ZBTB16: variants seen among roughly 807,000 people sequenced by gnomAD.
ZBTB16 encodes the protein zinc finger and BTB domain-containing protein 16.
In ZBTB16, 8 loss-of-function variants were observed where a neutral mutation model predicts 56.8. That is an observed-to-expected ratio of 0.14 (90% CI 0.08 to 0.25). The LOEUF is 0.25. Ranked by LOEUF, ZBTB16 falls within the 10% of genes least tolerant of loss-of-function variation. The pLI is 1.00. For missense variants in ZBTB16, 625 were observed against 903.0 expected, an observed-to-expected ratio of 0.69 and a Z score of 3.95; for synonymous variants, 363 against 368.5, an observed-to-expected ratio of 0.98 and a Z score of 0.17.
At chr11:114,195,234 C>T (rs1943577952) in intron 4 of ZBTB16, among the ~76,000 whole-genome samples, 1 of 152,150 alleles carries the variant, frequency 6.6e-6, no homozygotes, top group Admixed American at 6.5e-5. Flanking sequence ...GGGCAGTCTT[C>T]AGCATGCCCT....
chr11:114,124,198 G>A (rs375598450), intron 2 of ZBTB16, among the ~76,000 whole-genome samples: 10 of 152,152 alleles, frequency 6.6e-5, no homozygotes, highest in African/African-American at 1.9e-4. Flanking sequence ...CCCTCATTGC[G>A]GGGTCAGGGT....
chr11:114,122,668 A>T (rs549057216), intron 2 of ZBTB16, among the ~76,000 whole-genome samples: 46 of 152,290 alleles, frequency 3.0e-4, no homozygotes, highest in Non-Finnish European at 5.6e-4. Flanking sequence ...TAGTCTTTGC[A>T]CGTATTTCCA....
At chr11:114,142,600 G>A in intron 2 of ZBTB16, among the ~76,000 whole-genome samples, 1 of 152,158 alleles carries the variant, frequency 6.6e-6, no homozygotes. Context: ...GCAATAAATG[G>A]CTCAGAATAG....
intron 2 of ZBTB16, among the ~76,000 whole-genome samples, chr11:114,081,675 C>G (rs1172810156): frequency 6.6e-6 from 1 of 152,110 alleles, no homozygotes; most frequent in Non-Finnish European, 1.5e-5. Flanking sequence ...GATTTTGATA[C>G]ATGTTGGGAG....
At chr11:114,179,194 C>G (rs1342966925) in intron 3 of ZBTB16, among the ~76,000 whole-genome samples, 1 of 152,176 alleles carries the variant, frequency 6.6e-6, no homozygotes, top group African/African-American at 2.4e-5. Context: ...TTTCCCTCTT[C>G]CCTGAATCTG....
intron 4 of ZBTB16, among the ~76,000 whole-genome samples, chr11:114,225,092 G>A (rs1034947123): frequency 7.2e-5 from 11 of 152,184 alleles, no homozygotes; most frequent in Admixed American, 6.5e-4. Flanking sequence ...AGGCAGGGGA[G>A]TTCAGGAATT....
intron 4 of ZBTB16, among the ~76,000 whole-genome samples, chr11:114,214,160 G>A (rs751113467): frequency 6.6e-6 from 1 of 152,186 alleles, no homozygotes; most frequent in Non-Finnish European, 1.5e-5. Context: ...TTAGTCTCAT[G>A]TCTGGACCCC....
intron 3 of ZBTB16, among the ~76,000 whole-genome samples, chr11:114,185,475 T>C (rs959277839): frequency 2.6e-5 from 4 of 152,186 alleles, no homozygotes; most frequent in Non-Finnish European, 5.9e-5. Context: ...GGACAGGTTA[T>C]GGAAGGCCTT....
intron 2 of ZBTB16, among the ~76,000 whole-genome samples, chr11:114,147,911 T>C (rs758236024): frequency 2.0e-4 from 31 of 152,196 alleles, no homozygotes; most frequent in Non-Finnish European, 4.0e-4. Flanking sequence ...CTGTATGAGA[T>C]TGTGTGCGAT....
At chr11:114,124,813 G>A (rs1377309875) in intron 2 of ZBTB16, among the ~76,000 whole-genome samples, 2 of 152,202 alleles carry the variant, frequency 1.3e-5, no homozygotes, top group South Asian at 2.1e-4. Flanking sequence ...TCAGTTGGAC[G>A]CAGGTATTGA....
rs570850654 is a variant in ZBTB16, at chr11:114,250,928, G to A, written c.*373G>A. Reference sequence around the variant, plus strand: ...AGAGGTCCTCTGGTCAGAGCCACACGGTCTGTGCCGGCCTTCCTCCACCAA... The same window carrying A: ...AGAGGTCCTCTGGTCAGAGCCACACAGTCTGTGCCGGCCTTCCTCCACCAA... On this transcript the variant is annotated 3_prime_UTR_variant, in exon 7 of 7. Transcript: ENST00000335953. This position sits in a 1 kb window ranked among gnomAD's most constrained non-coding sequence, Gnocchi z 6.0. 7.2e-5 allele frequency among the ~76,000 whole-genome samples: 11 copies of A among 152,164 alleles called. No homozygotes were observed. The highest frequency in any genetic ancestry group is 1.5e-4 in the Non-Finnish European group (10 of 68,024).
rs1458297420 is a variant in ZBTB16, at chr11:114,063,496, A to G, written c.196A>G (p.Asn66Asp). Reference sequence around the variant, plus strand: ...GATGTTTGAGATCCTCTTCCACCGCAATAGTCAACACTATACTTTGGACTT... The same window carrying G: ...GATGTTTGAGATCCTCTTCCACCGCGATAGTCAACACTATACTTTGGACTT... ...SKMFEILFHR[N>D]SQHYTLDFLS... Residue 66 changes from asparagine to aspartate, a missense_variant, in exon 2 of 7, where the codon AAT (asparagine) becomes GAT (aspartate). By Grantham distance (23) the Asn-to-Asp change is conservative (BLOSUM62 1). This residue lies in a region of ZBTB16 where 54 missense variants were observed against 159.4 expected (regional missense o/e 0.34). Coordinates refer to ENST00000335953, the MANE Select transcript of ZBTB16 (RefSeq NM_006006.6). The surrounding 1 kb of genome is among the most constrained non-coding windows in gnomAD (Gnocchi z 6.5). The G allele has an allele frequency of 2.5e-6, 4 of 1,614,116 alleles. No homozygotes were observed. Among genetic ancestry groups the G allele is most frequent in the Non-Finnish European group, 3.4e-6 (4 of 1,180,054 alleles).
intron 2 of ZBTB16, among the ~76,000 whole-genome samples, chr11:114,097,786 T>C (rs1437282517): frequency 6.6e-6 from 1 of 152,206 alleles, no homozygotes; most frequent in Non-Finnish European, 1.5e-5. Flanking sequence ...TGAGACATTC[T>C]CTAGTTGACC....
Position 114,124,272 on chromosome 11 carries a change from AG to A in ZBTB16, c.1269-32061del, listed in dbSNP as rs145662094. On this transcript the variant is annotated intron_variant, in intron 2 of 6. Coordinates refer to ENST00000335953, the MANE Select transcript of ZBTB16 (RefSeq NM_006006.6). Reference sequence around the variant, plus strand: ...CATCACTGTCACCTGCGCTTATGCCAGGGGTTATTAGAAGAAGAGGGGCTCT... The same window carrying A: ...CATCACTGTCACCTGCGCTTATGCCAGGGTTATTAGAAGAAGAGGGGCTCT... Among the ~76,000 whole-genome samples the A allele has an allele frequency of 4.7e-3, 710 of 152,220 alleles. 9 individuals are homozygous for A. Among genetic ancestry groups the A allele is most frequent in the African/African-American group, 0.016 (681 of 41,530 alleles).
In ZBTB16 at chr11:114,064,350, TTCCGTGACC is replaced by T; in HGVS notation, c.1053_1061del (p.Val352_Ser354del). 5 of 1,614,076 alleles carry T rather than the reference TTCCGTGACC, an allele frequency of 3.1e-6. No homozygotes were observed. Among genetic ancestry groups the T allele is most frequent in the Non-Finnish European group, 4.2e-6 (5 of 1,180,028 alleles). On this transcript the variant is annotated inframe_deletion, in exon 2 of 7. Coordinates refer to ENST00000335953, the MANE Select transcript of ZBTB16 (RefSeq NM_006006.6). The surrounding 1 kb of genome is among the most constrained non-coding windows in gnomAD (Gnocchi z 4.2). ...CTGACGCTGTATTGAGCATGCCGTC[TTCCGTGACC>T]TCTGGCCTCCACGTGCAGCCTGCCC...
In ZBTB16 at chr11:114,250,402, G is replaced by A. The variant is rs202060139; in HGVS notation, c.1869G>A (p.Thr623=). 22 of 1,614,100 alleles carry A rather than the reference G, an allele frequency of 1.4e-5. No homozygotes were observed. The highest frequency in any genetic ancestry group is 1.2e-4 in the South Asian group (11 of 91,088). Residue 623 remains threonine, a synonymous_variant, in exon 7 of 7, where the codon ACG becomes ACA. Transcript: ENST00000335953. This position sits in a 1 kb window ranked among gnomAD's most constrained non-coding sequence, Gnocchi z 6.0. ...CGGCCATGATCAAGCACCTGAGAAC[G>A]CACAACGGCGCCTCGCCCTACCAGT... ...DYSAMIKHLR[T]HNGASPYQCT...
intron 2 of ZBTB16, among the ~76,000 whole-genome samples, chr11:114,137,199 C>T (rs1439759229): frequency 1.3e-5 from 2 of 152,100 alleles, no homozygotes; most frequent in East Asian, 1.9e-4. Flanking sequence ...TTCAGGAGAC[C>T]GACCCTTTTC....
At chr11:114,172,467 A>G (rs950788050) in intron 3 of ZBTB16, among the ~76,000 whole-genome samples, 3 of 152,160 alleles carry the variant, frequency 2.0e-5, no homozygotes, top group Admixed American at 6.5e-5. Flanking sequence ...AGATGAGGAG[A>G]CTGAGTTTAC....
chr11:114,145,022 G>T (rs1942061713), intron 2 of ZBTB16, among the ~76,000 whole-genome samples: 1 of 152,172 alleles, frequency 6.6e-6, no homozygotes, highest in South Asian at 2.1e-4. Flanking sequence ...CATATAAATA[G>T]CATTCTTTGG....
Sources: allele counts gnomAD v4.1 joint callset (sites outside exome capture counted in the v4.1 genomes callset), GRCh38; gene constraint gnomAD v4.1.1; regional missense constraint gnomAD v4.1.1; non-coding constraint Gnocchi (gnomAD v3.1); transcripts MANE v1.5; gene names NCBI Gene and HGNC (gene_info 2026-07-23, HGNC 2026-07-21).